Variants in FNDC3A observed in about 807,000 individuals in gnomAD.
FNDC3A encodes fibronectin type-III domain-containing protein 3A.
In FNDC3A, 32 loss-of-function variants were observed where a neutral mutation model predicts 148.9. The observed-to-expected ratio is 0.21, with a 90% CI of 0.16 to 0.29. The LOEUF is 0.29. FNDC3A is among the 10% of genes least tolerant of loss of function. The pLI is 1.00. For synonymous variants in FNDC3A, 472 were observed against 473.6 expected, an observed-to-expected ratio of 1.00 and a Z score of 0.04; for missense variants, 1,191 against 1,452.8, an observed-to-expected ratio of 0.82 and a Z score of 2.93.
intron 2 of FNDC3A, among the ~76,000 whole-genome samples, chr13:49,038,215 A>G (rs1057061376): frequency 2.6e-5 from 4 of 152,076 alleles, no homozygotes; most frequent in African/African-American, 7.2e-5. Flanking sequence ...GGTACAGGAT[A>G]GGGGGTGCGG....
intron 8 of FNDC3A, among the ~76,000 whole-genome samples, chr13:49,152,165 A>G (rs1002501186): frequency 6.6e-6 from 1 of 152,190 alleles, no homozygotes; most frequent in African/African-American, 2.4e-5. Context: ...GTCTTCCACA[A>G]TGGTTGAACT....
chr13:49,007,339 C>T (rs925114638), intron 2 of FNDC3A, among the ~76,000 whole-genome samples: 1 of 152,040 alleles, frequency 6.6e-6, no homozygotes, highest in African/African-American at 2.4e-5. Context: ...TAATTTTTTA[C>T]GTGCTCTTAT....
At chr13:48,981,842 A>G (rs1951698951) in intron 1 of FNDC3A, among the ~76,000 whole-genome samples, 1 of 152,212 alleles carries the variant, frequency 6.6e-6, no homozygotes, top group African/African-American at 2.4e-5. Context: ...GGGGGAAAAA[A>G]AAGTGTTGTA....
chr13:49,101,428 A>T (rs116358761), intron 3 of FNDC3A, among the ~76,000 whole-genome samples: 2,847 of 152,260 alleles, frequency 0.019, 93 homozygotes, highest in African/African-American at 0.063. Flanking sequence ...AAATAGGTAG[A>T]AGAGTACAAG....
chr13:49,070,318 T>TTAG (rs1187439578), intron 2 of FNDC3A, among the ~76,000 whole-genome samples: 2 of 152,168 alleles, frequency 1.3e-5, no homozygotes, highest in East Asian at 3.9e-4. Context: ...TTAAAATTTT[T>TTAG]TAGTAGCCTC....
At chr13:49,038,676 G>T (rs1280753884) in intron 2 of FNDC3A, among the ~76,000 whole-genome samples, 2 of 152,116 alleles carry the variant, frequency 1.3e-5, no homozygotes, top group East Asian at 1.9e-4. Flanking sequence ...TTTGAATTCT[G>T]GGTTGATTTT....
intron 5 of FNDC3A, among the ~76,000 whole-genome samples, chr13:49,133,481 G>A (rs1389862407): frequency 6.6e-6 from 1 of 152,164 alleles, no homozygotes; most frequent in Non-Finnish European, 1.5e-5. Context: ...CTACCCAGTG[G>A]TAAAAGGGAG....
chr13:49,171,299 AAAAC>A (rs1884741821), intron 10 of FNDC3A, among the ~76,000 whole-genome samples: 1 of 152,204 alleles, frequency 6.6e-6, no homozygotes, highest in African/African-American at 2.4e-5. Context: ...TAGAGTCCAA[AAAAC>A]ATCATTTCAA....
intron 1 of FNDC3A, among the ~76,000 whole-genome samples, chr13:48,977,550 T>A (rs756965068): frequency 6.6e-6 from 1 of 152,222 alleles, no homozygotes; most frequent in Non-Finnish European, 1.5e-5. Flanking sequence ...CCCCTGTCTT[T>A]TGGATATTTT....
intron 10 of FNDC3A, among the ~76,000 whole-genome samples, chr13:49,171,766 G>GT (rs1377158050): frequency 1.3e-5 from 2 of 152,110 alleles, no homozygotes; most frequent in African/African-American, 2.4e-5. Context: ...AAGCAAAATG[G>GT]TTTTTTTAAA....
At chr13:49,104,786 C>T (rs188677974) in intron 3 of FNDC3A, among the ~76,000 whole-genome samples, 1 of 152,186 alleles carries the variant, frequency 6.6e-6, no homozygotes, top group Admixed American at 6.5e-5. Context: ...TTTTCTCATA[C>T]CTTACCCCAA....
intron 8 of FNDC3A, among the ~76,000 whole-genome samples, chr13:49,165,502 A>T (rs1352746253): frequency 6.6e-6 from 1 of 152,048 alleles, no homozygotes; most frequent in Non-Finnish European, 1.5e-5. Context: ...GCTGTAGTGA[A>T]GTTTTGCTGG....
intron 8 of FNDC3A, among the ~76,000 whole-genome samples, chr13:49,154,231 T>C (rs1883508786): frequency 6.7e-6 from 1 of 149,478 alleles, no homozygotes; most frequent in Non-Finnish European, 1.5e-5. Context: ...AAGAGGTCCT[T>C]CACATCCCTT....
At chr13:49,010,266 G>A (rs537682947) in intron 2 of FNDC3A, among the ~76,000 whole-genome samples, 2 of 152,296 alleles carry the variant, frequency 1.3e-5, no homozygotes, top group Non-Finnish European at 2.9e-5. Flanking sequence ...CTGGTACCTG[G>A]CCTGGGATGG....
chr13:48,985,368 T>C (rs1012856346), intron 1 of FNDC3A, among the ~76,000 whole-genome samples: 1 of 152,238 alleles, frequency 6.6e-6, no homozygotes, highest in African/African-American at 2.4e-5. Context: ...AAATGTACGT[T>C]CTCCTGAGCC....
chr13:48,989,784 G>A (rs904274927), intron 1 of FNDC3A, among the ~76,000 whole-genome samples: 9 of 147,000 alleles, frequency 6.1e-5, no homozygotes, highest in Non-Finnish European at 3.0e-5. Context: ...ACAAAGTCTC[G>A]CTCTTTTGCC....
chr13:48,986,796 A>G (rs1329524900), intron 1 of FNDC3A, among the ~76,000 whole-genome samples: 1 of 152,228 alleles, frequency 6.6e-6, no homozygotes, highest in Non-Finnish European at 1.5e-5. Context: ...GAATCTGGTC[A>G]TCTCAGAAAG....
intron 3 of FNDC3A, among the ~76,000 whole-genome samples, chr13:49,084,936 T>C (rs193180873): frequency 2.0e-5 from 3 of 152,288 alleles, no homozygotes; most frequent in East Asian, 3.9e-4. Flanking sequence ...GGGGCAGTTA[T>C]TGTCAACTCC....
chr13:49,013,375 T>A (rs902413761), intron 2 of FNDC3A, among the ~76,000 whole-genome samples: 1 of 152,120 alleles, frequency 6.6e-6, no homozygotes, highest in African/African-American at 2.4e-5. Flanking sequence ...TGTCATAATT[T>A]ACATTAATTT....
Sources: gnomAD v4.1 joint callset for allele counts (sites outside exome capture counted in the v4.1 genomes callset) on GRCh38, gnomAD v4.1.1 for gene constraint, MANE v1.5 for transcripts, NCBI Gene and HGNC (gene_info 2026-07-23, HGNC 2026-07-21) for gene names.